Variants in CMTM8 observed in about 807,000 individuals in gnomAD.
CMTM8 encodes CKLF-like MARVEL transmembrane domain-containing protein 8.
A neutral mutation model predicts 18.6 loss-of-function variants in CMTM8; 12 were observed. The observed-to-expected ratio is 0.65, with a 90% CI of 0.41 to 1.05. The LOEUF (loss-of-function observed/expected upper bound fraction) is 1.05, where lower values mean the gene tolerates loss of function less well. Ranked by LOEUF, CMTM8 falls within the 50% of genes least tolerant of loss-of-function variation. The pLI is 0.00. For synonymous variants in CMTM8, 87 were observed against 90.6 expected (o/e 0.96, Z 0.23); for missense variants, 217 against 227.2 (o/e 0.95, Z 0.29).
intron 1 of CMTM8, among the ~76,000 whole-genome samples, chr3:32,289,929 A>G (rs1702751284): frequency 6.6e-6 from 1 of 152,134 alleles, no homozygotes; most frequent in Non-Finnish European, 1.5e-5. Flanking sequence ...TTAGAAGTTC[A>G]AGGTCAGCCT....
intron 3 of CMTM8, among the ~76,000 whole-genome samples, chr3:32,368,459 T>G (rs1697087885): frequency 1.4e-5 from 1 of 73,986 alleles, no homozygotes; most frequent in African/African-American, 3.7e-5. Context: ...AACTTCTATT[T>G]TTTTTTTTTT....
chr3:32,369,986 A>C lies in CMTM8; in HGVS notation c.*19A>C, dbSNP rs772226021. 1 of 1,451,148 alleles carries C rather than the reference A, an allele frequency of 6.9e-7. No homozygotes were observed. Among genetic ancestry groups the C allele is most frequent in the East Asian group, 2.3e-5 (1 of 43,228 alleles). 89.9% of individuals were successfully genotyped at this position (1,451,148 alleles called of 1,614,324 possible). On this transcript the variant is annotated 3_prime_UTR_variant, in exon 4 of 4. Transcript: ENST00000307526. ...ACAGTGATTTACCATTTTGATAATT[A>C]AAAGGAAAAAAAAAGGAAGACTCTC...
intron 1 of CMTM8, among the ~76,000 whole-genome samples, chr3:32,280,339 G>A (rs965497228): frequency 2.0e-5 from 3 of 152,056 alleles, no homozygotes; most frequent in Non-Finnish European, 4.4e-5. Flanking sequence ...CTTTTTCTTC[G>A]TGGCAGATGG....
chr3:32,367,274 A>G (rs1311170909), intron 2 of CMTM8, among the ~76,000 whole-genome samples: 1 of 152,212 alleles, frequency 6.6e-6, no homozygotes, highest in Non-Finnish European at 1.5e-5. Context: ...ACCGGGACTT[A>G]CATATCTTCT....
chr3:32,345,305 G>A (rs1400681743), intron 1 of CMTM8, among the ~76,000 whole-genome samples: 1 of 152,142 alleles, frequency 6.6e-6, no homozygotes, highest in African/African-American at 2.4e-5. Flanking sequence ...GCAACGAGCA[G>A]TGATCAAGCC....
At chr3:32,304,694 C>T (rs1695688529) in intron 1 of CMTM8, among the ~76,000 whole-genome samples, 1 of 152,166 alleles carries the variant, frequency 6.6e-6, no homozygotes, top group South Asian at 2.1e-4. Context: ...GTGGCACACA[C>T]AAGATAAATG....
In CMTM8 at chr3:32,358,296, C is replaced by T. The variant is rs1696856028; in HGVS notation, c.321+750C>T. The stretch of plus-strand genomic sequence containing the variant: ...ATCCTGGAGATCGAACACACACATC[C>T]TAAGTGGATTCACAGAGATGGAAAG... On this transcript the variant is annotated intron_variant, in intron 2 of 3. Coordinates refer to ENST00000307526, the MANE Select transcript of CMTM8 (RefSeq NM_178868.5). This position sits in a 1 kb window ranked among gnomAD's most constrained non-coding sequence, Gnocchi z 4.1. Among the ~76,000 whole-genome samples the T allele has an allele frequency of 1.3e-5, 2 of 152,134 alleles. No homozygotes were observed. Among genetic ancestry groups the T allele is most frequent in the South Asian group, 4.1e-4 (2 of 4,828 alleles).
At chr3:32,280,158 A>C (rs957471851) in intron 1 of CMTM8, among the ~76,000 whole-genome samples, 4 of 152,154 alleles carry the variant, frequency 2.6e-5, no homozygotes, top group Non-Finnish European at 5.9e-5. Flanking sequence ...GGCCATTCTC[A>C]GTCCAGTCAA....
intron 1 of CMTM8, among the ~76,000 whole-genome samples, chr3:32,278,387 C>G (rs1439724186): frequency 2.0e-5 from 3 of 152,180 alleles, no homozygotes; most frequent in Admixed American, 1.3e-4. Flanking sequence ...CTTGCAGTCA[C>G]CTATTTGCTG....
intron 1 of CMTM8, among the ~76,000 whole-genome samples, chr3:32,242,117 C>G (rs1458851622): frequency 6.6e-6 from 1 of 152,178 alleles, no homozygotes; most frequent in Non-Finnish European, 1.5e-5. Context: ...CCAGTGTCCT[C>G]TGTCTTGCTT....
intron 1 of CMTM8, among the ~76,000 whole-genome samples, chr3:32,312,876 A>T (rs773676545): frequency 6.6e-6 from 1 of 151,898 alleles, no homozygotes; most frequent in Non-Finnish European, 1.5e-5. Context: ...AAATAACAAG[A>T]CTTTTTTTCA....
At chr3:32,363,175 A>G (rs6550119) in intron 2 of CMTM8, among the ~76,000 whole-genome samples, 139,285 of 152,268 alleles carry the variant, frequency 0.91, 64,252 homozygotes, top group South Asian at 0.97. Flanking sequence ...GTCCAAAACA[A>G]CATTGGTTTA....
intron 1 of CMTM8, among the ~76,000 whole-genome samples, chr3:32,255,055 A>G (rs189473681): frequency 5.7e-4 from 87 of 152,178 alleles, no homozygotes; most frequent in Admixed American, 5.6e-3. Context: ...TTCACTTAGC[A>G]TAGTATTTTC....
intron 1 of CMTM8, among the ~76,000 whole-genome samples, chr3:32,319,434 CCT>C (rs1696001316): frequency 6.6e-6 from 1 of 151,846 alleles, no homozygotes; most frequent in Non-Finnish European, 1.5e-5. Flanking sequence ...TCCTCCCCTC[CCT>C]CTCTCTCCCT....
chr3:32,278,670 A>G (rs1223716384), intron 1 of CMTM8, among the ~76,000 whole-genome samples: 1 of 152,180 alleles, frequency 6.6e-6, no homozygotes, highest in South Asian at 2.1e-4. Context: ...CCCTTCCCAA[A>G]TTGAGTTATC....
chr3:32,289,746 G>A (rs1350543673), intron 1 of CMTM8, among the ~76,000 whole-genome samples: 1 of 152,128 alleles, frequency 6.6e-6, no homozygotes, highest in Non-Finnish European at 1.5e-5. Flanking sequence ...ATAAAATCAG[G>A]AACATAAGGA....
intron 1 of CMTM8, among the ~76,000 whole-genome samples, chr3:32,333,099 A>T (rs1263676225): frequency 6.6e-6 from 1 of 152,242 alleles, no homozygotes; most frequent in Non-Finnish European, 1.5e-5. Context: ...ACTCTGTTGC[A>T]ACTACTCCAC....
At chr3:32,300,387 G>A (rs1470371109) in intron 1 of CMTM8, among the ~76,000 whole-genome samples, 1 of 152,124 alleles carries the variant, frequency 6.6e-6, no homozygotes, top group Non-Finnish European at 1.5e-5. Context: ...AGAAAAGTAG[G>A]GGAAATTTTT....
intron 1 of CMTM8, among the ~76,000 whole-genome samples, chr3:32,291,295 A>T (rs1702776266): frequency 6.6e-6 from 1 of 151,688 alleles, no homozygotes; most frequent in Non-Finnish European, 1.5e-5. Context: ...CATCTGGCTA[A>T]TTTTTTTGTT....
Sources: gnomAD v4.1 joint callset for allele counts (sites outside exome capture counted in the v4.1 genomes callset) on GRCh38, gnomAD v4.1.1 for gene constraint, Gnocchi (gnomAD v3.1) non-coding constraint, MANE v1.5 for transcripts, NCBI Gene and HGNC (gene_info 2026-07-23, HGNC 2026-07-21) for gene names.